The following CDK14 variants were observed in gnomAD, a reference collection of about 807,000 sequenced individuals.
The protein encoded by CDK14 is cyclin-dependent kinase 14.
In CDK14, 34 loss-of-function variants were observed where a neutral mutation model predicts 60.7. The ratio of observed to expected loss-of-function variants is 0.56; its 90% confidence interval spans 0.43 to 0.75. CDK14 has a LOEUF of 0.75. Among genes scored for constraint, CDK14 ranks in the 30% least tolerant of loss-of-function variants. The pLI is 0.00. For synonymous variants in CDK14, 197 were observed against 203.7 expected (o/e 0.97, Z 0.28); for missense variants, 482 against 564.1 (o/e 0.85, Z 1.47).
chr7:90,721,073 G>A (rs768068604), intron 2 of CDK14, among the ~76,000 whole-genome samples: 57 of 152,318 alleles, frequency 3.7e-4, no homozygotes, highest in South Asian at 6.2e-4. Flanking sequence ...TCCACCAGAT[G>A]TGTACTTTGT....
chr7:90,670,349 CCAAAGT>C (rs1801070336), intron 2 of CDK14, among the ~76,000 whole-genome samples: 1 of 152,044 alleles, frequency 6.6e-6, no homozygotes. Context: ...AAGAATATGC[CCAAAGT>C]CACATAGGAC....
chr7:90,771,124 G>C lies in CDK14; in HGVS notation c.465-19449G>C, dbSNP rs769441178. ...TCCCCCAGCCTGCTTCTGTCTATAA[G>C]TCCTCACTTGTTCTTTGTATCCTGA... is the stretch of plus-strand genomic sequence containing the variant. On this transcript the variant is annotated intron_variant, in intron 4 of 14. Coordinates refer to ENST00000380050, the MANE Select transcript of CDK14 (RefSeq NM_001287135.2). Among the ~76,000 whole-genome samples, 13 of 152,096 alleles carry C rather than the reference G, an allele frequency of 8.5e-5. No individual in the cohort carries two copies. In the South Asian group the frequency reaches 1.0e-3, roughly 12 times the overall value.
chr7:90,901,405 T>C (rs1310070170), intron 7 of CDK14, among the ~76,000 whole-genome samples: 1 of 152,182 alleles, frequency 6.6e-6, no homozygotes, highest in Non-Finnish European at 1.5e-5. Flanking sequence ...TGGTCACCGA[T>C]AGATGACTTA....
intron 9 of CDK14, among the ~76,000 whole-genome samples, chr7:90,982,211 G>A (rs1396254691): frequency 6.6e-6 from 1 of 152,168 alleles, no homozygotes; most frequent in Non-Finnish European, 1.5e-5. Context: ...CATAAGGGGA[G>A]CAATTCTGTC....
intron 14 of CDK14, among the ~76,000 whole-genome samples, chr7:91,172,382 C>T (rs907476009): frequency 6.6e-6 from 1 of 152,164 alleles, no homozygotes; most frequent in African/African-American, 2.4e-5. Flanking sequence ...CTCTCCTCCA[C>T]CCCCCATTGT....
At chr7:90,845,835 GTGGCAGTTTC>G (rs1180243176) in intron 5 of CDK14, among the ~76,000 whole-genome samples, 4 of 152,024 alleles carry the variant, frequency 2.6e-5, no homozygotes, top group African/African-American at 9.7e-5. Context: ...CTAAGTTAGG[GTGGCAGTTTC>G]TAGCCATTAA....
At chr7:91,127,635 G>A (rs1799993277) in intron 14 of CDK14, among the ~76,000 whole-genome samples, 1 of 152,186 alleles carries the variant, frequency 6.6e-6, no homozygotes, top group South Asian at 2.1e-4. Context: ...ATATGACTGT[G>A]TCCTATTTTG....
intron 6 of CDK14, among the ~76,000 whole-genome samples, chr7:90,887,495 A>G (rs1309242916): frequency 1.3e-5 from 2 of 152,166 alleles, no homozygotes; most frequent in African/African-American, 4.8e-5. Flanking sequence ...GTTATTCTAC[A>G]TTGTGTATAA....
intron 2 of CDK14, among the ~76,000 whole-genome samples, chr7:90,613,005 T>C (rs2116346162): frequency 6.6e-6 from 1 of 152,260 alleles, no homozygotes; most frequent in Non-Finnish European, 1.5e-5. Flanking sequence ...GGAAATTTAG[T>C]TTTAATTTTC....
intron 4 of CDK14, among the ~76,000 whole-genome samples, chr7:90,787,477 T>C (rs1805643026): frequency 6.6e-6 from 1 of 152,208 alleles, no homozygotes; most frequent in Admixed American, 6.5e-5. Context: ...AAAATGTTGG[T>C]ATTTTTGAAA....
intron 12 of CDK14, among the ~76,000 whole-genome samples, chr7:91,082,582 A>T (rs1021430221): frequency 3.3e-5 from 5 of 152,140 alleles, no homozygotes; most frequent in Admixed American, 1.3e-4. Context: ...AGAGAAGAAA[A>T]ATCTTACCTG....
chr7:91,079,849 G>C (rs145854845), intron 12 of CDK14, among the ~76,000 whole-genome samples: 1 of 152,178 alleles, frequency 6.6e-6, no homozygotes, highest in South Asian at 2.1e-4. Flanking sequence ...CAACTTTTGA[G>C]CTAAAGTTGA....
intron 13 of CDK14, among the ~76,000 whole-genome samples, chr7:91,114,665 T>C (rs1799557239): frequency 6.6e-6 from 1 of 152,156 alleles, no homozygotes; most frequent in Non-Finnish European, 1.5e-5. Flanking sequence ...TGAAAAATCA[T>C]TATATTTTTA....
In CDK14 at chr7:90,899,471, A is replaced by G. The variant is rs554827965; in HGVS notation, c.702+118A>G. The G allele has an allele frequency of 1.0e-4, 60 of 590,290 alleles. 1 individual carries two copies. The East Asian group carries it at 2.0e-3, about 20-fold the overall frequency. 36.6% of individuals were successfully genotyped at this position (590,290 alleles called of 1,614,324 possible). On this transcript the variant is annotated intron_variant, in intron 7 of 14. Transcript: ENST00000380050. ...TTTTTAAATTTTTTGTGTAAAGAGA[A>G]GGGATATTGAGGTGAACCAGTCATT...
At position 90,924,876 on chromosome 7, in the gene CDK14, G is replaced by A. The variant is rs148111427; in HGVS notation, c.826+7152G>A. On this transcript the variant is annotated intron_variant, in intron 8 of 14. Coordinates refer to ENST00000380050, the MANE Select transcript of CDK14 (RefSeq NM_001287135.2). ...TTTATGCATATTAGTATTTTAAAAT[G>A]TCCTTTTCACCTTGAATAATTTCTT... Among the ~76,000 whole-genome samples, 237 of 151,800 alleles carry A rather than the reference G, an allele frequency of 1.6e-3. 1 individual carries two copies. Among genetic ancestry groups the A allele is most frequent in the African/African-American group, 5.3e-3 (219 of 41,394 alleles).
chr7:90,717,961 A>G lies in CDK14; in HGVS notation c.124-8606A>G, dbSNP rs568664720. 3.9e-5 allele frequency among the ~76,000 whole-genome samples: 6 copies of G among 152,170 alleles called. No individual in the cohort carries two copies. The South Asian group carries it at 1.2e-3, about 32-fold the overall frequency. On this transcript the variant is annotated intron_variant, in intron 2 of 14. Coordinates refer to ENST00000380050, the MANE Select transcript of CDK14 (RefSeq NM_001287135.2). ...CCCACCCCACCAAAATAAACCAAACACTTGAAAACAAATTCTACAGTAGCT... is the reference window on the plus strand; with the variant it reads ...CCCACCCCACCAAAATAAACCAAACGCTTGAAAACAAATTCTACAGTAGCT...
At chr7:91,126,327 G>T (rs980421236) in intron 14 of CDK14, among the ~76,000 whole-genome samples, 1 of 151,950 alleles carries the variant, frequency 6.6e-6, no homozygotes, top group African/African-American at 2.4e-5. Context: ...ATCCTCCCTG[G>T]CGCCATACCA....
rs888289592 is a variant in CDK14, at chr7:91,158,632, A to G, written c.*28+40424A>G. On this transcript the variant is annotated intron_variant, in intron 14 of 14. Transcript: ENST00000380050. ...TAGTTTTGGAGAAGTTTTTCTGTGA[A>G]GTAATGTGTGCTTTCCAAGATAAGT... Among the ~76,000 whole-genome samples the G allele has an allele frequency of 1.2e-4, 19 of 152,334 alleles. No homozygotes were observed. In the East Asian group the frequency reaches 3.7e-3, roughly 29 times the overall value.
At chr7:91,081,170 A>G (rs551650944) in intron 12 of CDK14, among the ~76,000 whole-genome samples, 3 of 152,200 alleles carry the variant, frequency 2.0e-5, no homozygotes, top group Non-Finnish European at 4.4e-5. Context: ...CCTCTAGCCA[A>G]TTCAAACCAA....
Sources: gnomAD v4.1 joint callset for allele counts (sites outside exome capture counted in the v4.1 genomes callset) on GRCh38, gnomAD v4.1.1 for gene constraint, MANE v1.5 for transcripts, NCBI Gene and HGNC (gene_info 2026-07-23, HGNC 2026-07-21) for gene names.